The following SEMA3A variants were observed in gnomAD, a reference collection of about 807,000 sequenced individuals.
SEMA3A encodes semaphorin-3A.
In SEMA3A, 29 loss-of-function variants were observed where a neutral mutation model predicts 97.9. The ratio of observed to expected loss-of-function variants is 0.30; its 90% confidence interval spans 0.22 to 0.40. The LOEUF (loss-of-function observed/expected upper bound fraction) is 0.40. Ranked by LOEUF, SEMA3A falls within the 10% of genes least tolerant of loss-of-function variation. The pLI, the probability that SEMA3A is intolerant of heterozygous loss-of-function variation, is 1.00. For synonymous variants in SEMA3A, 321 were observed against 323.7 expected, an observed-to-expected ratio of 0.99 and a Z score of 0.09; for missense variants, 763 against 951.3, an observed-to-expected ratio of 0.80 and a Z score of 2.60.
At chr7:84,049,797 C>T (rs1792527610) in intron 5 of SEMA3A, among the ~76,000 whole-genome samples, 1 of 150,290 alleles carries the variant, frequency 6.7e-6, no homozygotes. Context: ...ATGTGCCATG[C>T]TGGTGTGCTG....
At chr7:84,214,963 A>T (rs1261446908) in intron 3 of SEMA3A, among the ~76,000 whole-genome samples, 2 of 150,930 alleles carry the variant, frequency 1.3e-5, no homozygotes, top group Non-Finnish European at 2.9e-5. Context: ...TGGCCTCCCA[A>T]AGTGCTGGGA....
At chr7:84,389,869 A>G (rs978628825) in intron 1 of SEMA3A, among the ~76,000 whole-genome samples, 1 of 152,142 alleles carries the variant, frequency 6.6e-6, no homozygotes, top group Non-Finnish European at 1.5e-5. Flanking sequence ...GTAATCATCT[A>G]AAACTTTTTT....
chr7:84,473,372 G>T (rs1030601632), intron 1 of SEMA3A, among the ~76,000 whole-genome samples: 3 of 148,224 alleles, frequency 2.0e-5, no homozygotes, highest in Non-Finnish European at 4.5e-5. Flanking sequence ...TTATATTTTT[G>T]TATTATTATT....
chr7:84,041,355 A>G (rs1394410020), intron 6 of SEMA3A, among the ~76,000 whole-genome samples: 2 of 152,066 alleles, frequency 1.3e-5, no homozygotes, highest in East Asian at 3.9e-4. Flanking sequence ...TTATTTAGAG[A>G]GTAGAATAAT....
At chr7:84,085,208 A>C (rs2115818182) in intron 4 of SEMA3A, among the ~76,000 whole-genome samples, 1 of 150,048 alleles carries the variant, frequency 6.7e-6, no homozygotes, top group African/African-American at 2.5e-5. Flanking sequence ...ATGTGTCAAT[A>C]TTAGTGAGGG....
rs181325790 is a variant in SEMA3A, at chr7:84,445,048, A to G, written c.-246+47412T>C. 2.9e-3 allele frequency among the ~76,000 whole-genome samples: 448 copies of G among 152,284 alleles called. 1 individual carries two copies. The highest frequency in any genetic ancestry group is 0.01 in the African/African-American group (430 of 41,568). On this transcript the variant is annotated intron_variant, in intron 1 of 3. Coordinates refer to the SEMA3A transcript ENST00000424555. ...TATCTTCTTCTGAGTGCCTCAAACT[A>G]GATCCTGTTTTGACATAACAAATTA...
intron 4 of SEMA3A, among the ~76,000 whole-genome samples, chr7:84,071,103 A>G (rs1166886748): frequency 6.6e-6 from 1 of 152,170 alleles, no homozygotes; most frequent in Non-Finnish European, 1.5e-5. Context: ...ACACTGTGCA[A>G]TACTACAGTC....
At chr7:84,053,576 T>A (rs1261805994) in intron 5 of SEMA3A, among the ~76,000 whole-genome samples, 1 of 43,236 alleles carries the variant, frequency 2.3e-5, no homozygotes, top group Non-Finnish European at 4.0e-5. Flanking sequence ...TAGATCTTCC[T>A]CCATCCTTTT....
At chr7:83,980,623 A>AAAAAAAAAAAAAAAAAATAT (rs1310318006) in intron 14 of SEMA3A, among the ~76,000 whole-genome samples, 11 of 71,746 alleles carry the variant, frequency 1.5e-4, no homozygotes, top group Non-Finnish European at 2.7e-4. Context: ...AAAAAAAAAA[A>AAAAAAAAAAAAAAAAAATAT]ATATATATAT....
chr7:84,191,233 A>C (rs1798029870), intron 1 of SEMA3A, among the ~76,000 whole-genome samples: 1 of 151,046 alleles, frequency 6.6e-6, no homozygotes, highest in Admixed American at 6.6e-5. Context: ...CTCTGAAAAA[A>C]AAAAAAAACA....
chr7:84,217,539 G>T (rs1399731575), intron 3 of SEMA3A, among the ~76,000 whole-genome samples: 1 of 152,090 alleles, frequency 6.6e-6, no homozygotes, highest in African/African-American at 2.4e-5. Flanking sequence ...GTTTAAATGT[G>T]CTACATTTTG....
At chr7:84,458,283 T>C (rs972727386) in intron 1 of SEMA3A, among the ~76,000 whole-genome samples, 1 of 152,046 alleles carries the variant, frequency 6.6e-6, no homozygotes, top group African/African-American at 2.4e-5. Context: ...ATCTTATCTG[T>C]TAATTTAACA....
At chr7:84,446,761 G>C (rs1475835863) in intron 1 of SEMA3A, among the ~76,000 whole-genome samples, 1 of 152,144 alleles carries the variant, frequency 6.6e-6, no homozygotes, top group African/African-American at 2.4e-5. Flanking sequence ...ATATCTGCTT[G>C]CACCACTGAT....
chr7:84,423,539 T>G (rs969885538), intron 1 of SEMA3A, among the ~76,000 whole-genome samples: 1 of 152,076 alleles, frequency 6.6e-6, no homozygotes, highest in Non-Finnish European at 1.5e-5. Flanking sequence ...CACTTCCTAT[T>G]GTAATTTATT....
chr7:84,486,686 T>A (rs960384025), intron 1 of SEMA3A, among the ~76,000 whole-genome samples: 1 of 152,210 alleles, frequency 6.6e-6, no homozygotes, highest in African/African-American at 2.4e-5. Context: ...TGAGCCCCAG[T>A]GTTTTTACTT....
intron 1 of SEMA3A, among the ~76,000 whole-genome samples, chr7:84,176,220 G>A (rs1797561340): frequency 6.6e-6 from 1 of 152,122 alleles, no homozygotes; most frequent in Non-Finnish European, 1.5e-5. Flanking sequence ...AGGCTATTCT[G>A]TGGTATGCTG....
rs1353150479 is a variant in SEMA3A, at chr7:83,957,170, G to C, written c.*4201C>G. ...TGTGACAATAAAAGGTATATACAAG[G>C]CACAGGTTTAGCATAGAGAAGGTCC... On this transcript the variant is annotated 3_prime_UTR_variant, in exon 17 of 17. Transcript: ENST00000265362. 1.3e-5 allele frequency: 2 copies of C among 152,072 alleles called. No homozygotes were observed. Among genetic ancestry groups the C allele is most frequent in the African/African-American group, 4.8e-5 (2 of 41,436 alleles). 9.4% of individuals were successfully genotyped at this position (152,072 alleles called of 1,614,324 possible).
At chr7:84,386,671 C>G (rs1803404878) in intron 1 of SEMA3A, among the ~76,000 whole-genome samples, 1 of 152,046 alleles carries the variant, frequency 6.6e-6, no homozygotes, top group Non-Finnish European at 1.5e-5. Flanking sequence ...ATAACACTAT[C>G]AAATAAAAAA....
chr7:84,354,606 G>T (rs968741851), intron 2 of SEMA3A, among the ~76,000 whole-genome samples: 6 of 151,528 alleles, frequency 4.0e-5, no homozygotes, highest in African/African-American at 1.2e-4. Flanking sequence ...GTTTTATTCT[G>T]CCAAACACGG....
Sources: allele counts gnomAD v4.1 joint callset (sites outside exome capture counted in the v4.1 genomes callset), GRCh38; gene constraint gnomAD v4.1.1; transcripts MANE v1.5; gene names NCBI Gene and HGNC (gene_info 2026-07-23, HGNC 2026-07-21).